Variants in USP32 observed in about 807,000 individuals in gnomAD.
The protein encoded by USP32 is ubiquitin carboxyl-terminal hydrolase 32.
A neutral mutation model predicts 204.8 loss-of-function variants in USP32; 59 were observed. That is an observed-to-expected ratio of 0.29 (90% confidence interval 0.23 to 0.36). USP32 has a LOEUF of 0.36. USP32 is among the 10% of genes least tolerant of loss of function. The probability of loss-of-function intolerance (pLI) is 1.00; values close to 1 mark genes in which losing one functional copy is unlikely to be tolerated. For synonymous variants in USP32, 517 were observed against 678.4 expected, an observed-to-expected ratio of 0.76 and a Z score of 3.70; for missense variants, 1,160 against 1,946.4, an observed-to-expected ratio of 0.60 and a Z score of 7.60.
intron 1 of USP32, among the ~76,000 whole-genome samples, chr17:60,405,395 G>C (rs2089968054): frequency 1.3e-5 from 2 of 151,922 alleles, no homozygotes; most frequent in South Asian, 4.2e-4. Flanking sequence ...AGTAGAGATG[G>C]GGTTTCACCG....
chr17:60,406,812 C>CCTTTCTTTCTTT, intron 1 of USP32, among the ~76,000 whole-genome samples: 1 of 152,048 alleles, frequency 6.6e-6, no homozygotes. Context: ...CTGCGCCTGG[C>CCTTTCTTTCTTT]CTTTCTTTCT....
intron 2 of USP32, 96 bp from the exon 3 acceptor site, chr17:60,301,800 A>G: frequency 1.3e-6 from 1 of 780,686 alleles, no homozygotes; most frequent in South Asian, 1.6e-5. Flanking sequence ...CTCCACCTCC[A>G]CAACAGGCCC....
intron 16 of USP32, among the ~76,000 whole-genome samples, chr17:60,219,254 A>G (rs572798340): frequency 1.5e-4 from 23 of 152,214 alleles, no homozygotes; most frequent in Non-Finnish European, 2.8e-4. Context: ...CTTTTTACAA[A>G]TTTGAGTGGA....
chr17:60,413,843 G>A lies in USP32; in HGVS notation c.106+8403C>T, dbSNP rs1358424595. 7.6e-5 allele frequency among the ~76,000 whole-genome samples: 9 copies of A among 118,056 alleles called. No homozygotes were observed. The East Asian group carries it at 1.6e-3, about 21-fold the overall frequency. The allele number at this position is 118,056 out of a possible 152,430, so 77.4% of individuals were successfully genotyped here. ...TCGCACCGCTGCACTCCAGCCTGGCGACAGCTAGATTCTGTCTCAAAAAAA... is the reference window on the plus strand; with the variant it reads ...TCGCACCGCTGCACTCCAGCCTGGCAACAGCTAGATTCTGTCTCAAAAAAA... On this transcript the variant is annotated intron_variant, in intron 1 of 3. Coordinates refer to the USP32 transcript ENST00000588898.
At chr17:60,232,168 C>CTTTTTTTTT (rs58707657) in intron 12 of USP32, among the ~76,000 whole-genome samples, 18 of 109,536 alleles carry the variant, frequency 1.6e-4, no homozygotes, top group Admixed American at 1.9e-4. Context: ...TTTTCTTTTT[C>CTTTTTTTTT]TTTTTTTTTT....
intron 2 of USP32, among the ~76,000 whole-genome samples, chr17:60,309,466 G>A (rs2087804246): frequency 6.6e-6 from 1 of 151,954 alleles, no homozygotes; most frequent in Non-Finnish European, 1.5e-5. Context: ...GCTGGGTGTG[G>A]TGGCACGCAC....
At chr17:60,407,558 A>T (rs1054998797) in intron 1 of USP32, among the ~76,000 whole-genome samples, 1 of 152,124 alleles carries the variant, frequency 6.6e-6, no homozygotes, top group Admixed American at 6.6e-5. Flanking sequence ...TAAGTTAACA[A>T]TCTGGTACAA....
rs529829554 is a variant in USP32 at position 60,356,466 on chromosome 17, T to C, written c.59-10858A>G. ...CTAAAGCAGAGTTGCAAACTGACTG[T>C]ACAACATTTGAACACACACCCGAGT... On this transcript the variant is annotated intron_variant, in intron 1 of 33. Coordinates refer to ENST00000300896, the MANE Select transcript of USP32 (RefSeq NM_032582.4). Among the ~76,000 whole-genome samples the C allele has an allele frequency of 2.0e-5, 3 of 152,220 alleles. No individual in the cohort carries two copies. In the South Asian group the frequency reaches 6.2e-4, roughly 32 times the overall value.
chr17:60,181,613 A>G lies in USP32; in HGVS notation c.4259T>C (p.Leu1420Pro), dbSNP rs371351324. Reference protein sequence around the residue: ...RLPQIGSKNKLSSSKENLDAS... With the variant: ...RLPQIGSKNKPSSSKENLDAS... ...ATCCAAGTTCTCTTTACTACTTGAC[A>G]GTTTATTTTTGCTGCCAATCTGGGG... Residue 1420 changes from leucine to proline, a missense_variant, in exon 32 of 34, where the codon CTG (leucine) becomes CCG (proline). Coordinates refer to ENST00000300896, the MANE Select transcript of USP32 (RefSeq NM_032582.4). 1 of 1,613,938 alleles carries G rather than the reference A, an allele frequency of 6.2e-7. No individual in the cohort carries two copies. The highest frequency in any genetic ancestry group is 8.5e-7 in the Non-Finnish European group (1 of 1,179,842).
At chr17:60,415,623 G>A (rs778589065) in intron 1 of USP32, among the ~76,000 whole-genome samples, 1 of 152,178 alleles carries the variant, frequency 6.6e-6, no homozygotes, top group Non-Finnish European at 1.5e-5. Flanking sequence ...CAGTGTCTAG[G>A]TAATGATTCG....
intron 28 of USP32, among the ~76,000 whole-genome samples, 167 bp from the exon 29 acceptor site, chr17:60,190,850 A>G (rs1371236346): frequency 6.6e-6 from 1 of 152,174 alleles, no homozygotes; most frequent in Non-Finnish European, 1.5e-5. Flanking sequence ...ATACTTATTA[A>G]TAATTAGTAC....
chr17:60,282,355 A>G (rs2086988912), intron 5 of USP32, among the ~76,000 whole-genome samples: 1 of 151,926 alleles, frequency 6.6e-6, no homozygotes, highest in African/African-American at 2.4e-5. Flanking sequence ...AAAACATAGT[A>G]TACTCTTTTT....
At chr17:60,393,639 G>T (rs1567894708), upstream of USP32, among the ~76,000 whole-genome samples, 1 of 151,906 alleles carries the variant, frequency 6.6e-6, no homozygotes, top group East Asian at 1.9e-4. Flanking sequence ...AAAACCAACA[G>T]ATTCTAATAT....
At chr17:60,251,660 G>T (rs939855675) in intron 11 of USP32, among the ~76,000 whole-genome samples, 2 of 152,104 alleles carry the variant, frequency 1.3e-5, no homozygotes, top group African/African-American at 4.8e-5. Flanking sequence ...TTAAAAATTG[G>T]ACTATAGCTA....
intron 26 of USP32, among the ~76,000 whole-genome samples, chr17:60,203,862 A>G (rs1000053997): frequency 3.3e-5 from 5 of 152,198 alleles, no homozygotes; most frequent in African/African-American, 4.8e-5. Context: ...GGCATGAGCC[A>G]CTGTGCCCGG....
At chr17:60,376,584 G>C (rs1309339283) in intron 1 of USP32, among the ~76,000 whole-genome samples, 2 of 151,430 alleles carry the variant, frequency 1.3e-5, no homozygotes, top group Non-Finnish European at 1.5e-5. Context: ...AGTGCAGTGA[G>C]GCAATCTTGG....
At chr17:60,209,602 A>C in intron 21 of USP32, 59 bp from the exon 22 acceptor site, 1 of 1,196,784 alleles carries the variant, frequency 8.4e-7, no homozygotes, top group Non-Finnish European at 1.2e-6. Context: ...TGGAATGAAC[A>C]TGTCCTATAA....
intron 7 of USP32, among the ~76,000 whole-genome samples, chr17:60,266,875 C>G (rs2086605920): frequency 6.6e-6 from 1 of 151,778 alleles, no homozygotes; most frequent in Non-Finnish European, 1.5e-5. Flanking sequence ...AGGATGGTCT[C>G]GATCTCCTGA....
At chr17:60,250,586 A>T (rs2145703652) in intron 11 of USP32, among the ~76,000 whole-genome samples, 1 of 152,278 alleles carries the variant, frequency 6.6e-6, no homozygotes, top group East Asian at 1.9e-4. Context: ...TTTAGTAGCT[A>T]AAAACTAGAG....
Sources: allele counts gnomAD v4.1 joint callset (sites outside exome capture counted in the v4.1 genomes callset), GRCh38; gene constraint gnomAD v4.1.1; transcripts MANE v1.5; gene names NCBI Gene and HGNC (gene_info 2026-07-23, HGNC 2026-07-21).